Variants in PIGN observed in about 807,000 individuals in gnomAD.
The protein encoded by PIGN is GPI ethanolamine phosphate transferase 1.
PIGN carries 117 observed loss-of-function variants against 125.4 expected under a neutral mutation model. The observed-to-expected ratio is 0.93, with a 90% CI of 0.80 to 1.09. The LOEUF (loss-of-function observed/expected upper bound fraction) is 1.09, where lower values mean the gene tolerates loss of function less well. PIGN is among the 50% of genes least tolerant of loss of function. PIGN has a pLI of 0.00. For missense variants in PIGN, 1,075 were observed against 1,094.9 expected (o/e 0.98, Z 0.26); for synonymous variants, 392 against 377.8 (o/e 1.04, Z -0.44).
At chr18:62,179,282 G>A (rs1019471911) in intron 1 of PIGN, among the ~76,000 whole-genome samples, 1 of 151,946 alleles carries the variant, frequency 6.6e-6, no homozygotes, top group Non-Finnish European at 1.5e-5. Flanking sequence ...CCATGTAAAT[G>A]TTCCCCCATT....
intron 21 of PIGN, among the ~76,000 whole-genome samples, chr18:62,102,527 C>T (rs1219720841): frequency 1.4e-5 from 2 of 148,068 alleles, no homozygotes; most frequent in African/African-American, 5.0e-5. Flanking sequence ...AGATGAAGCC[C>T]TTTTCAGTTC....
intron 25 of PIGN, among the ~76,000 whole-genome samples, chr18:62,085,636 T>A (rs2033662718): frequency 6.6e-6 from 1 of 152,108 alleles, no homozygotes; most frequent in South Asian, 2.1e-4. Flanking sequence ...ACAGTTATAG[T>A]CTATATATGC....
intron 1 of PIGN, among the ~76,000 whole-genome samples, chr18:62,170,506 A>C (rs2037312950): frequency 6.6e-6 from 1 of 152,232 alleles, no homozygotes; most frequent in Non-Finnish European, 1.5e-5. Context: ...CATATAAGAC[A>C]GCAAACTTAA....
At chr18:62,069,814 T>C (rs1048251607) in intron 30 of PIGN, 2 of 152,222 alleles carry the variant, frequency 1.3e-5, no homozygotes, top group Non-Finnish European at 2.9e-5. Context: ...CTTAATACCA[T>C]TGAACTGTAC....
chr18:62,143,285 T>C (rs1355389662), intron 11 of PIGN, 21 bp downstream of exon 11: 6 of 1,315,906 alleles, frequency 4.6e-6, no homozygotes, highest in Non-Finnish European at 6.4e-6. Flanking sequence ...AATTTGAATG[T>C]AATAAAATCG....
rs145453824 is a variant in PIGN, at chr18:62,118,345, G to T, written c.1173-3706C>A. On this transcript the variant is annotated intron_variant, in intron 14 of 30. Transcript: ENST00000640252. ...CTTCTGGTTATGCCAGAGAAGCTTT[G>T]GGCATAGCAATGCTCCCACCAAGAA... Among the ~76,000 whole-genome samples, 39 of 150,568 alleles carry T rather than the reference G, an allele frequency of 2.6e-4. 1 individual carries two copies. In the East Asian group the frequency reaches 6.9e-3, roughly 27 times the overall value.
In PIGN at chr18:62,044,472, T is replaced by C. The variant is rs1334947914; in HGVS notation, c.*1384A>G. ...TCCAGCTAGATTTTATGCTATGAAC[T>C]GATGCATGAGATTTCATAAAACATT... is the stretch of plus-strand genomic sequence containing the variant. On this transcript the variant is annotated 3_prime_UTR_variant, in exon 31 of 31. Coordinates refer to ENST00000640252, the MANE Select transcript of PIGN (RefSeq NM_176787.5). 2.0e-5 allele frequency: 3 copies of C among 152,252 alleles called. No homozygotes were observed. The highest frequency in any genetic ancestry group is 4.4e-5 in the Non-Finnish European group (3 of 68,046). The allele number at this position is 152,252 out of a possible 1,614,324, so 9.4% of individuals were successfully genotyped here. A position where few individuals can be genotyped will look rare whatever the true frequency, so the allele number is the denominator to read the frequency against.
chr18:62,149,151 G>A (rs1033218747), intron 7 of PIGN, among the ~76,000 whole-genome samples: 4 of 152,058 alleles, frequency 2.6e-5, no homozygotes, highest in African/African-American at 9.7e-5. Flanking sequence ...AACAAGATAT[G>A]TTTAACTTTT....
chr18:62,135,308 G>T (rs2035883806), intron 14 of PIGN, among the ~76,000 whole-genome samples: 1 of 152,002 alleles, frequency 6.6e-6, no homozygotes, highest in African/African-American at 2.4e-5. Flanking sequence ...TGTTATCTTA[G>T]ATTTTTTTGA....
rs779455685 is a variant in PIGN, at chr18:62,145,970, T to C, written c.861A>G (p.Gly287=). ...SETLTPLVTW[G]AGIKYPQRVS... is the part of the protein sequence containing the mutation. Reference sequence around the variant, plus strand: ...CTCTTTGGGGATACTTGATTCCAGCTCCCCAAGTGACTAAAGGAGTTAAAG... The same window carrying C: ...CTCTTTGGGGATACTTGATTCCAGCCCCCCAAGTGACTAAAGGAGTTAAAG... The change falls in exon 10 of 31, where the codon GGA becomes GGG. Residue 287 remains glycine (G), a synonymous_variant. Coordinates refer to ENST00000640252, the MANE Select transcript of PIGN (RefSeq NM_176787.5). 1 of 1,609,490 alleles carries C rather than the reference T, an allele frequency of 6.2e-7. No homozygotes were observed. Among genetic ancestry groups the C allele is most frequent in the Non-Finnish European group, 8.5e-7 (1 of 1,177,096 alleles).
chr18:62,148,013 T>C (rs368666266), intron 8 of PIGN, among the ~76,000 whole-genome samples: 2 of 152,254 alleles, frequency 1.3e-5, no homozygotes, highest in African/African-American at 4.8e-5. Context: ...TTTACTTATA[T>C]TAATGTGCCA....
chr18:62,167,134 G>C (rs189307851), intron 1 of PIGN, among the ~76,000 whole-genome samples: 2 of 151,988 alleles, frequency 1.3e-5, no homozygotes, highest in Non-Finnish European at 2.9e-5. Flanking sequence ...TAAGAACACA[G>C]ACTGACACCT....
chr18:62,033,232 C>T (rs529347732), intron 23 of PIGN, among the ~76,000 whole-genome samples: 111 of 152,254 alleles, frequency 7.3e-4, no homozygotes, highest in Admixed American at 4.6e-3. Context: ...TAGAAATCCA[C>T]GCAAATAAGA....
At chr18:62,072,451 T>C (rs2032934167) in intron 30 of PIGN, 2 of 377,616 alleles carry the variant, frequency 5.3e-6, no homozygotes. Context: ...ATACTTACCA[T>C]TGGGTTACAA....
chr18:62,032,659 AT>A (rs1003481082), intron 23 of PIGN, among the ~76,000 whole-genome samples: 13 of 152,256 alleles, frequency 8.5e-5, no homozygotes, highest in East Asian at 3.9e-4. Flanking sequence ...TGCATTTAAA[AT>A]TTTTTTTAAA....
At chr18:62,094,090 ATTTG>A (rs887269320) in intron 23 of PIGN, among the ~76,000 whole-genome samples, 22 of 152,172 alleles carry the variant, frequency 1.4e-4, no homozygotes, top group African/African-American at 3.1e-4. Flanking sequence ...TATTATGATA[ATTTG>A]TTTGGGCATC....
chr18:62,157,665 A>C (rs374196804), intron 5 of PIGN, 22 bp downstream of exon 5: 2 of 1,599,688 alleles, frequency 1.3e-6, no homozygotes, highest in Non-Finnish European at 1.7e-6. Flanking sequence ...TCATTTCATA[A>C]GATTGTCCAA....
At chr18:62,057,534 C>T (rs1377884113) in intron 30 of PIGN, among the ~76,000 whole-genome samples, 9 of 152,226 alleles carry the variant, frequency 5.9e-5, no homozygotes, top group Admixed American at 3.3e-4. Context: ...TACGATACCA[C>T]GAAAGCCTCT....
chr18:62,180,928 A>G (rs910114931), intron 1 of PIGN, among the ~76,000 whole-genome samples: 10 of 152,156 alleles, frequency 6.6e-5, no homozygotes, highest in Non-Finnish European at 8.8e-5. Context: ...CTTATGTCAC[A>G]TATATTCTTC....
Sources: gnomAD v4.1 joint callset for allele counts (sites outside exome capture counted in the v4.1 genomes callset) on GRCh38, gnomAD v4.1.1 for gene constraint, MANE v1.5 for transcripts, NCBI Gene and HGNC (gene_info 2026-07-23, HGNC 2026-07-21) for gene names.